The following BMP2K variants were observed in gnomAD, a reference collection of about 807,000 sequenced individuals.
The protein encoded by BMP2K is BMP2 inducible kinase.
In BMP2K, 74 loss-of-function variants were observed where a neutral mutation model predicts 116.0. That is an observed-to-expected ratio of 0.64 (90% CI 0.53 to 0.77). The LOEUF is 0.77. BMP2K is among the 30% of genes least tolerant of loss of function. BMP2K has a pLI of 0.00. For synonymous variants in BMP2K, 486 were observed against 502.5 expected (o/e 0.97, Z 0.44); for missense variants, 1,365 against 1,403.6 (o/e 0.97, Z 0.44).
intron 7 of BMP2K, among the ~76,000 whole-genome samples, chr4:78,858,998 ACT>A (rs1411941365): frequency 6.6e-6 from 1 of 151,746 alleles, no homozygotes; most frequent in Admixed American, 6.6e-5. Flanking sequence ...AAACCAGAAA[ACT>A]CTGCCCATAT....
rs145848233 is a variant in BMP2K, at chr4:78,869,564, C to T, written c.1232-1219C>T. Among the ~76,000 whole-genome samples, 445 of 152,116 alleles carry T rather than the reference C, an allele frequency of 2.9e-3. 2 individuals carry two copies. The highest frequency in any genetic ancestry group is 9.2e-3 in the South Asian group (44 of 4,808). ...AAAAAATGACAATGCTTGCAGTGAC[C>T]GTTTTGCTAATTATCCTGATCTGAT... is the stretch of plus-strand genomic sequence containing the variant. On this transcript the variant is annotated intron_variant, in intron 10 of 15. Coordinates refer to ENST00000502613, the MANE Select transcript of BMP2K (RefSeq NM_198892.2).
intron 6 of BMP2K, 87 bp from the exon 7 acceptor site, chr4:78,850,837 C>CT (rs1250301901): frequency 9.7e-6 from 14 of 1,439,876 alleles, no homozygotes; most frequent in Middle Eastern, 2.3e-4. Flanking sequence ...AGAAACATGA[C>CT]TTTTTTAAAG....
intron 1 of BMP2K, among the ~76,000 whole-genome samples, chr4:78,814,335 T>C (rs1729227126): frequency 6.6e-6 from 1 of 152,226 alleles, no homozygotes; most frequent in Non-Finnish European, 1.5e-5. Context: ...TTTAATTGAT[T>C]CTTTAATCGT....
intron 14 of BMP2K, among the ~76,000 whole-genome samples, chr4:78,884,293 C>G (rs1732982263): frequency 6.6e-6 from 1 of 152,146 alleles, no homozygotes; most frequent in South Asian, 2.1e-4. Flanking sequence ...TGCCACTGCG[C>G]TCTAGGTTGG....
intron 15 of BMP2K, among the ~76,000 whole-genome samples, chr4:78,906,542 A>T (rs1734295217): frequency 6.6e-6 from 1 of 152,142 alleles, no homozygotes; most frequent in African/African-American, 2.4e-5. Context: ...GCTGTCTAAA[A>T]ATCAAAAATA....
intron 1 of BMP2K, among the ~76,000 whole-genome samples, chr4:78,802,840 T>C (rs1261811303): frequency 6.6e-6 from 1 of 152,152 alleles, no homozygotes; most frequent in African/African-American, 2.4e-5. Context: ...TATAATCTTT[T>C]TTTTTTTGTT....
In BMP2K at chr4:78,912,073, A is replaced by G; in HGVS notation, c.*40A>G. 6.6e-7 allele frequency: 1 copy of G among 1,520,536 alleles called. No homozygotes were observed. Among genetic ancestry groups the G allele is most frequent in the Non-Finnish European group, 8.9e-7 (1 of 1,124,788 alleles). The allele number at this position is 1,520,536 out of a possible 1,614,324, so 94.2% of individuals were successfully genotyped here. A position where few individuals can be genotyped will look rare whatever the true frequency, so the allele number is the denominator to read the frequency against. ...TTCTCGGCATTAACTCCTGTTTCAA[A>G]AAAGTGTGAACAGTTTTATGAATTT... is the stretch of plus-strand genomic sequence containing the variant. On this transcript the variant is annotated 3_prime_UTR_variant, in exon 16 of 16. Transcript: ENST00000502613.
At chr4:78,804,110 T>TA (rs1331974113) in intron 1 of BMP2K, among the ~76,000 whole-genome samples, 2 of 152,200 alleles carry the variant, frequency 1.3e-5, no homozygotes, top group Non-Finnish European at 2.9e-5. Flanking sequence ...CATTAGAACT[T>TA]ACTTTCCATT....
chr4:78,852,794 T>C (rs1215021503), intron 7 of BMP2K, among the ~76,000 whole-genome samples: 1 of 152,010 alleles, frequency 6.6e-6, no homozygotes, highest in African/African-American at 2.4e-5. Context: ...TTGTAGAGAT[T>C]GGGTTTTGCT....
intron 15 of BMP2K, among the ~76,000 whole-genome samples, chr4:78,908,271 T>C (rs925062602): frequency 1.3e-5 from 2 of 152,216 alleles, no homozygotes; most frequent in Non-Finnish European, 2.9e-5. Flanking sequence ...CAACAAACTA[T>C]ACAAGATGAC....
At chr4:78,826,241 G>A (rs1321140395) in intron 2 of BMP2K, 86 bp downstream of exon 2, 23 of 1,029,392 alleles carry the variant, frequency 2.2e-5, no homozygotes, top group East Asian at 9.7e-5. Flanking sequence ...GGAGTGGCAC[G>A]CCCAGGCTGG....
At chr4:78,796,702 T>G (rs1049435725) in intron 1 of BMP2K, among the ~76,000 whole-genome samples, 22 of 152,156 alleles carry the variant, frequency 1.4e-4, no homozygotes, top group African/African-American at 5.1e-4. Context: ...AATGCTTTTT[T>G]GGGGCCTGAT....
At chr4:78,905,027 A>C (rs562353666) in intron 15 of BMP2K, among the ~76,000 whole-genome samples, 3 of 152,084 alleles carry the variant, frequency 2.0e-5, no homozygotes, top group African/African-American at 4.8e-5. Flanking sequence ...TATGTGGAAT[A>C]TATGAATGTA....
rs1392368516 is a variant in BMP2K at position 78,850,961 on chromosome 4, C to A, written c.788C>A (p.Thr263Asn). 6.2e-7 allele frequency: 1 copy of A among 1,612,214 alleles called. No homozygotes were observed. The highest frequency in any genetic ancestry group is 8.5e-7 in the Non-Finnish European group (1 of 1,178,932). The change falls in exon 7 of 16, where the codon ACT becomes AAT. Residue 263 changes from threonine to asparagine, a missense_variant. Coordinates refer to ENST00000502613, the MANE Select transcript of BMP2K (RefSeq NM_198892.2). ...GCLLYKLCFF[T>N]LPFGESQVAI... ...CTACTCTATAAACTTTGTTTCTTCA[C>A]TCTTCCTTTTGGTGAGAGTCAGGTT...
At chr4:78,806,840 C>CTTT (rs1038770824) in intron 1 of BMP2K, among the ~76,000 whole-genome samples, 2 of 128,284 alleles carry the variant, frequency 1.6e-5, no homozygotes, top group African/African-American at 5.6e-5. Context: ...CTTATCTTTT[C>CTTT]TTTTTTTTTT....
At chr4:78,789,357 G>A (rs371805802) in intron 1 of BMP2K, among the ~76,000 whole-genome samples, 26 of 151,966 alleles carry the variant, frequency 1.7e-4, no homozygotes, top group African/African-American at 5.6e-4. Flanking sequence ...GTTTCCTTAT[G>A]CCTAAGTACT....
chr4:78,841,429 G>C (rs929768147), intron 3 of BMP2K, among the ~76,000 whole-genome samples: 3 of 152,058 alleles, frequency 2.0e-5, no homozygotes, highest in African/African-American at 7.2e-5. Flanking sequence ...TTTCTATACT[G>C]TAATATATAA....
intron 1 of BMP2K, among the ~76,000 whole-genome samples, chr4:78,799,718 C>G (rs1362188209): frequency 1.3e-5 from 2 of 152,134 alleles, no homozygotes; most frequent in Non-Finnish European, 1.5e-5. Context: ...CTTGCTTACT[C>G]ATGTGCTATG....
chr4:78,811,650 T>C (rs1729096571), intron 1 of BMP2K, among the ~76,000 whole-genome samples: 1 of 152,234 alleles, frequency 6.6e-6, no homozygotes, highest in African/African-American at 2.4e-5. Context: ...ATCTTTTAGC[T>C]AAATGTACAA....
Sources: allele counts gnomAD v4.1 joint callset (sites outside exome capture counted in the v4.1 genomes callset), GRCh38; gene constraint gnomAD v4.1.1; transcripts MANE v1.5; gene names NCBI Gene and HGNC (gene_info 2026-07-23, HGNC 2026-07-21).